Variants in ENTREP2 observed in about 807,000 individuals in gnomAD.
ENTREP2 encodes the protein endosomal transmembrane epsin interactor 2.
chr15:29,267,959 T>A, the ENTREP2 span: 4 of 152,206 alleles, frequency 2.6e-5, no homozygotes, highest in African/African-American at 9.6e-5. Context: ...GTTACGCTAT[T>A]GTTTTATAAG....
At chr15:29,305,373 A>G in the ENTREP2 span, among the ~76,000 whole-genome samples, 1 of 152,158 alleles carries the variant, frequency 6.6e-6, no homozygotes, top group South Asian at 2.1e-4. Flanking sequence ...CAGGTTTTTA[A>G]AAGTTCATCA....
At chr15:29,246,514 G>A in the ENTREP2 span, among the ~76,000 whole-genome samples, 1 of 151,426 alleles carries the variant, frequency 6.6e-6, no homozygotes, top group South Asian at 2.1e-4. Context: ...GGCCAACATA[G>A]TGAAACTCCA....
At chr15:29,399,172 G>A in the ENTREP2 span, among the ~76,000 whole-genome samples, 1 of 152,170 alleles carries the variant, frequency 6.6e-6, no homozygotes, top group South Asian at 2.1e-4. Context: ...CAACCTGAAG[G>A]AGTTTGGAAG....
chr15:29,350,583 GAAAACTGCA>G, the ENTREP2 span, among the ~76,000 whole-genome samples: 1 of 152,178 alleles, frequency 6.6e-6, no homozygotes, highest in Non-Finnish European at 1.5e-5. Context: ...AAAAGTAACT[GAAAACTGCA>G]AAAACAAACA....
the ENTREP2 span, among the ~76,000 whole-genome samples, chr15:29,209,042 A>G: frequency 6.6e-6 from 1 of 152,102 alleles, no homozygotes; most frequent in Non-Finnish European, 1.5e-5. Flanking sequence ...TGACTGGGAG[A>G]AGGAGGGGCG....
At chr15:29,657,382 G>A in the ENTREP2 span, among the ~76,000 whole-genome samples, 3 of 147,330 alleles carry the variant, frequency 2.0e-5, no homozygotes, top group African/African-American at 7.5e-5. Context: ...CAAATGGCAC[G>A]GACCCAAAAA....
chr15:29,252,397 G>A, the ENTREP2 span: 18 of 1,550,894 alleles, frequency 1.2e-5, no homozygotes, highest in East Asian at 4.2e-4. Flanking sequence ...GAGTTGACTA[G>A]CTGAGCATTC....
the ENTREP2 span, among the ~76,000 whole-genome samples, chr15:29,287,133 TCATACCAAA>T: frequency 6.6e-6 from 1 of 152,110 alleles, no homozygotes; most frequent in African/African-American, 2.4e-5. Context: ...TGCATGCCCC[TCATACCAAA>T]CACCCTTTTT....
chr15:29,154,585 G>A, the ENTREP2 span, among the ~76,000 whole-genome samples: 20 of 152,316 alleles, frequency 1.3e-4, no homozygotes, highest in Non-Finnish European at 2.1e-4. Flanking sequence ...AAAGGCTATG[G>A]CATTAATCAG....
the ENTREP2 span, among the ~76,000 whole-genome samples, chr15:29,173,901 T>C: frequency 1.3e-5 from 2 of 151,466 alleles, no homozygotes; most frequent in South Asian, 2.1e-4. Flanking sequence ...ATATAAGCAA[T>C]TGATTGTAAC....
chr15:29,490,326 G>C, the ENTREP2 span, among the ~76,000 whole-genome samples: 5 of 152,194 alleles, frequency 3.3e-5, no homozygotes, highest in Admixed American at 6.5e-5. Flanking sequence ...AGGTAATACA[G>C]AGCCTAAGAG....
the ENTREP2 span, among the ~76,000 whole-genome samples, chr15:29,148,452 T>A: frequency 6.6e-6 from 1 of 152,230 alleles, no homozygotes; most frequent in African/African-American, 2.4e-5. Flanking sequence ...GTCTTTTACA[T>A]AAAATAATGT....
chr15:29,524,417 A>T, the ENTREP2 span, among the ~76,000 whole-genome samples: 40 of 152,318 alleles, frequency 2.6e-4, no homozygotes, highest in Admixed American at 1.2e-3. Flanking sequence ...CATTGTTGGT[A>T]ATGTTACGGG....
chr15:29,518,705 C>A, the ENTREP2 span, among the ~76,000 whole-genome samples: 1 of 152,160 alleles, frequency 6.6e-6, no homozygotes, highest in Non-Finnish European at 1.5e-5. Flanking sequence ...GCTATAACCA[C>A]AGGGGGAAAC....
the ENTREP2 span, among the ~76,000 whole-genome samples, chr15:29,539,369 C>T: frequency 6.6e-6 from 1 of 152,266 alleles, no homozygotes; most frequent in Non-Finnish European, 1.5e-5. Flanking sequence ...TTGTTGCCCC[C>T]GCCTTTTGTT....
chr15:29,185,167 G>C, the ENTREP2 span, among the ~76,000 whole-genome samples: 1 of 152,098 alleles, frequency 6.6e-6, no homozygotes, highest in East Asian at 1.9e-4. Context: ...CCAGCATGTT[G>C]GCCAGGCTGG....
At chr15:29,145,415 G>C in the ENTREP2 span, among the ~76,000 whole-genome samples, 2 of 152,044 alleles carry the variant, frequency 1.3e-5, no homozygotes, top group Non-Finnish European at 2.9e-5. Flanking sequence ...GAGGTCAGGA[G>C]ATTGAGACCA....
chr15:29,573,636 T>C, the ENTREP2 span, among the ~76,000 whole-genome samples: 1 of 139,870 alleles, frequency 7.1e-6, no homozygotes, highest in Non-Finnish European at 1.5e-5. Context: ...CTCTTCTCTC[T>C]CTCTCCCCCC....
the ENTREP2 span, among the ~76,000 whole-genome samples, chr15:29,385,948 C>A: frequency 6.6e-6 from 1 of 152,160 alleles, no homozygotes; most frequent in Non-Finnish European, 1.5e-5. Flanking sequence ...CACTGGCAGG[C>A]CACTGACGGC....
Sources: allele counts gnomAD v4.1 joint callset (sites outside exome capture counted in the v4.1 genomes callset), GRCh38; gene constraint gnomAD v4.1.1; transcripts MANE v1.5; gene names NCBI Gene and HGNC (gene_info 2026-07-23, HGNC 2026-07-21).